TBC1D19: variants seen among roughly 807,000 people sequenced by gnomAD.
The protein encoded by TBC1D19 is TBC1 domain family, member 19.
A neutral mutation model predicts 89.0 loss-of-function variants in TBC1D19; 60 were observed. The ratio of observed to expected loss-of-function variants is 0.67; its 90% CI spans 0.55 to 0.84. The LOEUF (loss-of-function observed/expected upper bound fraction) is 0.84, where lower values mean the gene tolerates loss of function less well. Among genes scored for constraint, TBC1D19 ranks in the 40% least tolerant of loss-of-function variants. TBC1D19 has a pLI of 0.00. For missense variants in TBC1D19, 500 were observed against 610.8 expected (o/e 0.82, Z 1.91); for synonymous variants, 189 against 199.7 (o/e 0.95, Z 0.45).
the TBC1D19 span, among the ~76,000 whole-genome samples, chr4:26,815,007 G>A: frequency 6.6e-5 from 10 of 150,612 alleles, no homozygotes; most frequent in South Asian, 2.1e-4. Context: ...GGGTGACAGC[G>A]TGAGACCTTG....
intron 1 of TBC1D19, among the ~76,000 whole-genome samples, chr4:26,606,214 C>G (rs899201006): frequency 2.6e-5 from 4 of 152,052 alleles, no homozygotes; most frequent in African/African-American, 9.7e-5. Flanking sequence ...TATCAGTGGT[C>G]TAGTGGAATG....
chr4:26,666,046 A>T (rs184310009), intron 8 of TBC1D19, among the ~76,000 whole-genome samples: 82 of 152,090 alleles, frequency 5.4e-4, no homozygotes, highest in Admixed American at 1.6e-3. Flanking sequence ...TTCCCATTAT[A>T]TATTTATATT....
the TBC1D19 span, among the ~76,000 whole-genome samples, chr4:26,827,716 TG>T: frequency 9.1e-6 from 1 of 110,396 alleles, no homozygotes; most frequent in Non-Finnish European, 2.0e-5. Flanking sequence ...TTTTTTGTTT[TG>T]TTTTTTTTTT....
At chr4:26,836,190 T>A in the TBC1D19 span, among the ~76,000 whole-genome samples, 1 of 152,236 alleles carries the variant, frequency 6.6e-6, no homozygotes, top group Admixed American at 6.5e-5. Context: ...CTCATCAAGC[T>A]ACATTGTAAT....
chr4:26,592,975 T>C (rs909685548), intron 1 of TBC1D19, among the ~76,000 whole-genome samples: 2 of 151,654 alleles, frequency 1.3e-5, no homozygotes, highest in Admixed American at 6.6e-5. Flanking sequence ...CTTCACAGAA[T>C]TGGAAAAAGC....
the TBC1D19 span, among the ~76,000 whole-genome samples, chr4:26,838,741 C>T: frequency 3.9e-5 from 6 of 152,300 alleles, no homozygotes; most frequent in South Asian, 8.3e-4. Context: ...TGATCTAAAT[C>T]GCCTTTCAGA....
upstream of TBC1D19, among the ~76,000 whole-genome samples, chr4:26,582,822 A>G (rs947963846): frequency 6.6e-6 from 1 of 152,158 alleles, no homozygotes; most frequent in Non-Finnish European, 1.5e-5. Context: ...TTATCATCCC[A>G]GTATTCTGGA....
At chr4:26,749,900 A>G (rs1476495673) in intron 19 of TBC1D19, among the ~76,000 whole-genome samples, 1 of 152,176 alleles carries the variant, frequency 6.6e-6, no homozygotes, top group Non-Finnish European at 1.5e-5. Context: ...AAAAACCTAT[A>G]CAAATATGAT....
intron 1 of TBC1D19, among the ~76,000 whole-genome samples, chr4:26,588,586 A>G (rs768141919): frequency 2.8e-4 from 43 of 152,108 alleles, no homozygotes; most frequent in Non-Finnish European, 5.0e-4. Flanking sequence ...ATCTGTGTCT[A>G]TAAATTAGGA....
chr4:26,605,273 A>G (rs1227403011), intron 1 of TBC1D19, among the ~76,000 whole-genome samples: 1 of 133,124 alleles, frequency 7.5e-6, no homozygotes, highest in African/African-American at 2.9e-5. Flanking sequence ...CTCATTGTTC[A>G]ATTCCCATCT....
the TBC1D19 span, among the ~76,000 whole-genome samples, chr4:26,765,692 T>A: frequency 6.6e-6 from 1 of 152,120 alleles, no homozygotes; most frequent in Admixed American, 6.6e-5. Flanking sequence ...TCAGGAAGCC[T>A]GATATGGTCT....
At chr4:26,682,807 C>A (rs1174681749) in intron 11 of TBC1D19, among the ~76,000 whole-genome samples, 1 of 152,190 alleles carries the variant, frequency 6.6e-6, no homozygotes, top group Non-Finnish European at 1.5e-5. Context: ...CCTCCTCCCC[C>A]TTCTTCCTTT....
At chr4:26,849,699 A>G in the TBC1D19 span, among the ~76,000 whole-genome samples, 1 of 152,338 alleles carries the variant, frequency 6.6e-6, no homozygotes, top group African/African-American at 2.4e-5. Flanking sequence ...CCCTTTGCAA[A>G]TGAAAGAGCT....
chr4:26,598,417 C>A (rs772858811), intron 1 of TBC1D19, among the ~76,000 whole-genome samples: 1 of 151,456 alleles, frequency 6.6e-6, no homozygotes, highest in Non-Finnish European at 1.5e-5. Flanking sequence ...TTTCTTGAGA[C>A]GGAGTCTTGC....
chr4:26,720,800 A>G (rs552590817), intron 15 of TBC1D19, among the ~76,000 whole-genome samples: 2 of 152,252 alleles, frequency 1.3e-5, no homozygotes, highest in South Asian at 2.1e-4. Flanking sequence ...AGCTTATCCT[A>G]TGACCTTAAG....
chr4:26,700,593 A>G (rs1577955923), intron 13 of TBC1D19, among the ~76,000 whole-genome samples: 1 of 152,212 alleles, frequency 6.6e-6, no homozygotes, highest in Non-Finnish European at 1.5e-5. Flanking sequence ...AGATTTTTCC[A>G]TAAAAGTATT....
the TBC1D19 span, among the ~76,000 whole-genome samples, chr4:26,828,033 C>T: frequency 1.3e-5 from 2 of 152,120 alleles, no homozygotes; most frequent in East Asian, 1.9e-4. Flanking sequence ...GGAAACTGTC[C>T]AGAACCGCCA....
chr4:26,620,580 G>T, intron 3 of TBC1D19, 33 bp from the exon 4 acceptor site: 1 of 1,579,094 alleles, frequency 6.3e-7, no homozygotes, highest in Non-Finnish European at 8.7e-7. Context: ...AGAGAATAAT[G>T]TGTGATATTT....
At chr4:26,582,931 T>C (rs181186182), upstream of TBC1D19, among the ~76,000 whole-genome samples, 15 of 152,344 alleles carry the variant, frequency 9.8e-5, no homozygotes, top group African/African-American at 3.6e-4. Context: ...CTATTCAGAA[T>C]GTAGTCTTTG....
Sources: allele counts gnomAD v4.1 joint callset (sites outside exome capture counted in the v4.1 genomes callset), GRCh38; gene constraint gnomAD v4.1.1; transcripts MANE v1.5; gene names NCBI Gene and HGNC (gene_info 2026-07-23, HGNC 2026-07-21).